The following KLHL29 variants were observed in gnomAD, a reference collection of about 807,000 sequenced individuals.
KLHL29 encodes kelch-like protein 29.
KLHL29 carries 21 observed loss-of-function variants against 80.4 expected under a neutral mutation model. That is an observed-to-expected ratio of 0.26 (90% CI 0.19 to 0.38). The LOEUF (loss-of-function observed/expected upper bound fraction) is 0.38. Among genes scored for constraint, KLHL29 ranks in the 10% least tolerant of loss-of-function variants. The probability of loss-of-function intolerance (pLI) is 1.00; values close to 1 mark genes in which losing one functional copy is unlikely to be tolerated. For missense variants in KLHL29, 867 were observed against 1,223.9 expected, an observed-to-expected ratio of 0.71 and a Z score of 4.35; for synonymous variants, 511 against 526.8, an observed-to-expected ratio of 0.97 and a Z score of 0.41.
At chr2:23,556,431 G>T (rs887773120) in intron 2 of KLHL29, among the ~76,000 whole-genome samples, 1 of 151,756 alleles carries the variant, frequency 6.6e-6, no homozygotes, top group African/African-American at 2.4e-5. Context: ...TTGAGGCCAG[G>T]AGTTTGAGAC....
In KLHL29 at chr2:23,696,558, A is replaced by G. The variant is rs1572520193; in HGVS notation, c.2105+45A>G. ...GACAGGGGCATGCTCTTTGCTCACC[A>G]AGAACTGAAATCACGTCACTCACTG... On this transcript the variant is annotated intron_variant, in intron 11 of 13. Coordinates refer to ENST00000486442, the MANE Select transcript of KLHL29 (RefSeq NM_052920.2). This position sits in a 1 kb window ranked among gnomAD's most constrained non-coding sequence, Gnocchi z 5.5. 1.4e-6 allele frequency: 2 copies of G among 1,423,950 alleles called. No homozygotes were observed. The highest frequency in any genetic ancestry group is 5.0e-5 in the East Asian group (2 of 40,108). 88.2% of individuals were successfully genotyped at this position (1,423,950 alleles called of 1,614,324 possible). A position where few individuals can be genotyped will look rare whatever the true frequency, so the allele number is the denominator to read the frequency against.
intron 2 of KLHL29, among the ~76,000 whole-genome samples, chr2:23,544,175 G>A (rs187630276): frequency 3.3e-5 from 5 of 152,328 alleles, no homozygotes; most frequent in Non-Finnish European, 7.3e-5. Flanking sequence ...GATCTTGCCC[G>A]TCTGTGGGGA....
chr2:23,633,674 A>G (rs1669527562), intron 3 of KLHL29, among the ~76,000 whole-genome samples: 1 of 152,074 alleles, frequency 6.6e-6, no homozygotes, highest in Admixed American at 6.6e-5. Flanking sequence ...CCAAGGCAGA[A>G]GCCTCAAGGC....
At chr2:23,435,747 A>G (rs903294735) in intron 1 of KLHL29, among the ~76,000 whole-genome samples, 1 of 152,190 alleles carries the variant, frequency 6.6e-6, no homozygotes, top group Non-Finnish European at 1.5e-5. Flanking sequence ...GCATAGTGCG[A>G]TGGGATAGTT....
At chr2:23,568,912 C>T (rs1223455112) in intron 3 of KLHL29, among the ~76,000 whole-genome samples, 2 of 152,194 alleles carry the variant, frequency 1.3e-5, no homozygotes, top group African/African-American at 4.8e-5. Context: ...ACTCAGGACC[C>T]ACGTACATCT....
Position 23,684,636 on chromosome 2 carries a change from TC to T in KLHL29, c.1079+102del. The T allele has an allele frequency of 1.9e-6, 2 of 1,073,144 alleles. No homozygotes were observed. Among genetic ancestry groups the T allele is most frequent in the Non-Finnish European group, 2.6e-6 (2 of 769,446 alleles). The allele number at this position is 1,073,144 out of a possible 1,614,324, so 66.5% of individuals were successfully genotyped here. On this transcript the variant is annotated intron_variant, in intron 6 of 13. Coordinates refer to ENST00000486442, the MANE Select transcript of KLHL29 (RefSeq NM_052920.2). The surrounding 1 kb of genome is among the most constrained non-coding windows in gnomAD (Gnocchi z 4.4). ...CTCTTGCAGGTTCCTGAAGCGTGACTCCCTGTCACAGAGCCAGTAGCCATCT... is the reference window on the plus strand; with the variant it reads ...CTCTTGCAGGTTCCTGAAGCGTGACTCCTGTCACAGAGCCAGTAGCCATCT...
intron 3 of KLHL29, among the ~76,000 whole-genome samples, chr2:23,579,866 C>G (rs975301558): frequency 2.6e-5 from 4 of 152,200 alleles, no homozygotes; most frequent in African/African-American, 9.7e-5. Flanking sequence ...CATGCCCCAA[C>G]CCTGATGCGG....
intron 3 of KLHL29, among the ~76,000 whole-genome samples, chr2:23,592,466 G>A (rs542975531): frequency 6.6e-6 from 1 of 152,352 alleles, no homozygotes; most frequent in South Asian, 2.1e-4. Context: ...GCCAAGCAGG[G>A]ACCTAGCAGT....
intron 1 of KLHL29, among the ~76,000 whole-genome samples, chr2:23,433,331 C>T (rs1167602101): frequency 6.6e-6 from 1 of 152,210 alleles, no homozygotes; most frequent in Admixed American, 6.5e-5. Context: ...TAGGGCATTC[C>T]CCGGATCCGA....
At chr2:23,486,303 G>A (rs572591825) in intron 2 of KLHL29, among the ~76,000 whole-genome samples, 3 of 152,162 alleles carry the variant, frequency 2.0e-5, no homozygotes, top group Non-Finnish European at 4.4e-5. Flanking sequence ...AGCACACAGT[G>A]TCCAGCAGCC....
Position 23,703,220 on chromosome 2 carries a change from G to A in KLHL29, c.2140G>A (p.Ala714Thr), listed in dbSNP as rs373265062. 1.4e-6 allele frequency: 2 copies of A among 1,473,976 alleles called. No homozygotes were observed. The highest frequency in any genetic ancestry group is 2.6e-5 in the Admixed American group (1 of 38,208). The allele number at this position is 1,473,976 out of a possible 1,614,324, so 91.3% of individuals were successfully genotyped here. A position where few individuals can be genotyped will look rare whatever the true frequency, so the allele number is the denominator to read the frequency against. The change falls in exon 12 of 14, where the codon GCC becomes ACC. Residue 714 changes from alanine to threonine, a missense_variant. Physicochemically the swap from Ala to Thr is moderately conservative, Grantham distance 58 (BLOSUM62 0). Around this residue, in one of 2 missense-constraint regions of KLHL29, gnomAD observed 443 missense variants for 767.0 expected, o/e 0.58. Coordinates refer to ENST00000486442, the MANE Select transcript of KLHL29 (RefSeq NM_052920.2). ...DTITNQWEAV[A>T]PLPKAVHSAA... ...CATCACCAACCAATGGGAGGCGGTGGCCCCTCTGCCCAAGGCAGTACACTC... is the reference window on the plus strand; with the variant it reads ...CATCACCAACCAATGGGAGGCGGTGACCCCTCTGCCCAAGGCAGTACACTC...
At chr2:23,401,955 A>T (rs1196661948) in intron 1 of KLHL29, among the ~76,000 whole-genome samples, 1 of 152,224 alleles carries the variant, frequency 6.6e-6, no homozygotes, top group Non-Finnish European at 1.5e-5. Context: ...TCCTGTGGAA[A>T]ATGATCACCT....
intron 2 of KLHL29, among the ~76,000 whole-genome samples, chr2:23,518,072 G>T (rs1164907890): frequency 1.3e-5 from 2 of 152,168 alleles, no homozygotes; most frequent in African/African-American, 4.8e-5. Context: ...GCTCAAGAAA[G>T]GGGAGCATAG....
At chr2:23,504,511 A>G (rs1289323791) in intron 2 of KLHL29, among the ~76,000 whole-genome samples, 1 of 152,098 alleles carries the variant, frequency 6.6e-6, no homozygotes, top group Non-Finnish European at 1.5e-5. Context: ...GGGCCTCCCT[A>G]GGGTTTCCAT....
chr2:23,536,769 C>T (rs1310773186), intron 2 of KLHL29, among the ~76,000 whole-genome samples: 1 of 152,130 alleles, frequency 6.6e-6, no homozygotes, highest in African/African-American at 2.4e-5. Flanking sequence ...AAGCTCTGTA[C>T]TGTTTATGTT....
intron 1 of KLHL29, among the ~76,000 whole-genome samples, chr2:23,433,647 C>T (rs149693354): frequency 2.6e-3 from 394 of 152,296 alleles, no homozygotes; most frequent in Non-Finnish European, 3.8e-3. Flanking sequence ...GGCAGGGTGG[C>T]TTACACTTGT....
intron 1 of KLHL29, among the ~76,000 whole-genome samples, chr2:23,387,089 CCCT>C (rs1202027934): frequency 3.9e-5 from 6 of 152,190 alleles, no homozygotes; most frequent in African/African-American, 1.4e-4. Context: ...TCTCCTCCCT[CCCT>C]CCCGTGCTTG....
chr2:23,582,869 C>T (rs754960915), intron 3 of KLHL29, among the ~76,000 whole-genome samples: 5 of 152,118 alleles, frequency 3.3e-5, no homozygotes, highest in Non-Finnish European at 7.4e-5. Context: ...AATATCTAAA[C>T]GTGACCTTGT....
intron 3 of KLHL29, among the ~76,000 whole-genome samples, chr2:23,565,002 G>A (rs565260287): frequency 1.3e-5 from 2 of 152,314 alleles, no homozygotes; most frequent in Non-Finnish European, 1.5e-5. Flanking sequence ...CTCTCTGGGC[G>A]TCACTTCTGT....
Sources: allele counts gnomAD v4.1 joint callset (sites outside exome capture counted in the v4.1 genomes callset), GRCh38; gene constraint gnomAD v4.1.1; regional missense constraint gnomAD v4.1.1; non-coding constraint Gnocchi (gnomAD v3.1); transcripts MANE v1.5; gene names NCBI Gene and HGNC (gene_info 2026-07-23, HGNC 2026-07-21).